The following PFDN1 variants were observed in gnomAD, a reference collection of about 807,000 sequenced individuals.
PFDN1 encodes prefoldin subunit 1, also known as prefoldin 1.
A neutral mutation model predicts 17.3 loss-of-function variants in PFDN1; 6 were observed. The observed-to-expected ratio is 0.35, with a 90% CI of 0.19 to 0.69. The LOEUF (loss-of-function observed/expected upper bound fraction) is 0.69. Ranked by LOEUF, PFDN1 falls within the 30% of genes least tolerant of loss-of-function variation. The pLI is 0.65. For missense variants in PFDN1, 113 were observed against 146.2 expected (o/e 0.77, Z 1.17); for synonymous variants, 58 against 50.1 (o/e 1.16, Z -0.67).
rs1765727317 is a variant in PFDN1 at position 140,300,501 on chromosome 5, T to G, written c.115A>C (p.Arg39=). 1 of 1,612,760 alleles carries G rather than the reference T, an allele frequency of 6.2e-7. No individual in the cohort carries two copies. Among genetic ancestry groups the G allele is most frequent in the African/African-American group, 1.3e-5 (1 of 74,934 alleles). The part of the protein sequence containing the change: ...LADIQIEQLN[R]TKKHAHLTDT... ...GTAAGATGTGCATGCTTTTTCGTTCTGTTTAGCTGTTCAATCTGTATGTCT... is the reference window on the plus strand; with the variant it reads ...GTAAGATGTGCATGCTTTTTCGTTCGGTTTAGCTGTTCAATCTGTATGTCT... Residue 39 remains arginine, a synonymous_variant, in exon 2 of 4, where the codon AGA becomes CGA. Transcript: ENST00000261813.
intron 3 of PFDN1, among the ~76,000 whole-genome samples, chr5:140,279,893 G>A (rs946461897): frequency 2.7e-5 from 4 of 150,576 alleles, no homozygotes; most frequent in African/African-American, 9.8e-5. Flanking sequence ...TACTTGGGAA[G>A]CTGAGACAGG....
chr5:140,300,708 A>C (rs1765731262), intron 1 of PFDN1, 126 bp from the exon 2 acceptor site: 1 of 617,138 alleles, frequency 1.6e-6, no homozygotes, highest in Non-Finnish European at 2.8e-6. Flanking sequence ...CCAAACATCA[A>C]TAAAAGTCAA....
At chr5:140,276,506 T>TGTG (rs1166391011) in intron 3 of PFDN1, among the ~76,000 whole-genome samples, 6 of 151,802 alleles carry the variant, frequency 4.0e-5, no homozygotes, top group Non-Finnish European at 7.4e-5. Context: ...ATTGGCCAAG[T>TGTG]GTGGTGGCTC....
At chr5:140,272,604 C>T (rs1040467236) in intron 3 of PFDN1, among the ~76,000 whole-genome samples, 1 of 151,938 alleles carries the variant, frequency 6.6e-6, no homozygotes, top group Non-Finnish European at 1.5e-5. Flanking sequence ...ATGATCTACC[C>T]GCCTCAGCCT....
chr5:140,282,956 G>A (rs371857650), intron 2 of PFDN1, among the ~76,000 whole-genome samples: 72 of 152,254 alleles, frequency 4.7e-4, no homozygotes, highest in African/African-American at 1.4e-3. Context: ...AAAGTCAAAC[G>A]AGAAAACACA....
intron 3 of PFDN1, among the ~76,000 whole-genome samples, chr5:140,267,913 T>A (rs1765156939): frequency 6.6e-6 from 1 of 152,234 alleles, no homozygotes; most frequent in Non-Finnish European, 1.5e-5. Flanking sequence ...CCTGGAAGTA[T>A]TGTTCCACCC....
At chr5:140,271,441 C>T (rs144880780) in intron 3 of PFDN1, among the ~76,000 whole-genome samples, 61 of 152,128 alleles carry the variant, frequency 4.0e-4, no homozygotes, top group Admixed American at 9.8e-4. Flanking sequence ...GTCAAAACAA[C>T]GTAGGAAAGA....
chr5:140,248,117 G>A (rs959337069), intron 3 of PFDN1, among the ~76,000 whole-genome samples: 1 of 148,484 alleles, frequency 6.7e-6, no homozygotes, highest in Non-Finnish European at 1.5e-5. Context: ...TGCCCAGGCT[G>A]GAGTGCAATG....
chr5:140,258,322 G>A (rs1353622376), intron 3 of PFDN1, among the ~76,000 whole-genome samples: 1 of 152,024 alleles, frequency 6.6e-6, no homozygotes, highest in African/African-American at 2.4e-5. Flanking sequence ...AGTCCCTGGA[G>A]TGGCTGGGTG....
At chr5:140,285,573 C>T (rs1765474691) in intron 2 of PFDN1, among the ~76,000 whole-genome samples, 1 of 151,910 alleles carries the variant, frequency 6.6e-6, no homozygotes, top group Admixed American at 6.6e-5. Flanking sequence ...GTGGACTGCT[C>T]AGTGAGTTAC....
rs1432351675 is a variant in PFDN1 at position 140,281,594 on chromosome 5, T to C, written c.201-61A>G. ...TGACTATTGAATTCATCGAAATCAA[T>C]AGCTACATACTACAAATATTAAACT... On this transcript the variant is annotated intron_variant, in intron 2 of 3. Transcript: ENST00000261813. The C allele has an allele frequency of 3.7e-6, 3 of 807,250 alleles. No individual in the cohort carries two copies. In the South Asian group the frequency reaches 4.2e-5, roughly 11 times the overall value. 50.0% of individuals were successfully genotyped at this position (807,250 alleles called of 1,614,324 possible).
chr5:140,283,617 AT>A (rs1417135463), intron 2 of PFDN1, among the ~76,000 whole-genome samples: 2 of 152,220 alleles, frequency 1.3e-5, no homozygotes, highest in Non-Finnish European at 2.9e-5. Flanking sequence ...GAGAGCCCAC[AT>A]TCATGCAAAA....
intron 2 of PFDN1, among the ~76,000 whole-genome samples, chr5:140,291,901 TGGAATTACTG>T (rs1554072966): frequency 6.6e-6 from 1 of 152,182 alleles, no homozygotes; most frequent in Non-Finnish European, 1.5e-5. Context: ...GAGAACTCAC[TGGAATTACTG>T]GAGAATCACT....
chr5:140,292,460 T>C lies in PFDN1; in HGVS notation c.200+7956A>G, dbSNP rs543325972. ...TTTTTACTCTGAGCCAGTGTAAAGG[T>C]TGGGCTTAGGGCAGTCATGCTCTTA... On this transcript the variant is annotated intron_variant, in intron 2 of 3. Transcript: ENST00000261813. 2.0e-4 allele frequency among the ~76,000 whole-genome samples: 31 copies of C among 152,176 alleles called. No homozygotes were observed. In the South Asian group the frequency reaches 5.8e-3, roughly 28 times the overall value.
intron 3 of PFDN1, among the ~76,000 whole-genome samples, chr5:140,276,147 C>A (rs1344270213): frequency 6.6e-6 from 1 of 152,076 alleles, no homozygotes; most frequent in African/African-American, 2.4e-5. Context: ...AAAACAGGAG[C>A]AACACCAAGG....
chr5:140,262,593 T>A, intron 3 of PFDN1: 1 of 455,030 alleles, frequency 2.2e-6, no homozygotes, highest in Non-Finnish European at 4.4e-6. Context: ...GTGCTTCATA[T>A]GGAATGAAAA....
chr5:140,278,557 C>CAAAAAAAAAAAAAAAA (rs113129230), intron 3 of PFDN1, among the ~76,000 whole-genome samples: 3 of 79,014 alleles, frequency 3.8e-5, no homozygotes, highest in African/African-American at 5.3e-5. Context: ...GACTCTGTCT[C>CAAAAAAAAAAAAAAAA]AAAAAAAAAA....
intron 2 of PFDN1, chr5:140,281,832 G>A: frequency 4.0e-6 from 1 of 250,534 alleles, no homozygotes; most frequent in Middle Eastern, 1.5e-3. Context: ...GAGCCCAGGT[G>A]TCTGAGTCTA....
intron 2 of PFDN1, among the ~76,000 whole-genome samples, chr5:140,296,099 C>A (rs565653059): frequency 2.6e-5 from 4 of 151,982 alleles, no homozygotes; most frequent in Non-Finnish European, 5.9e-5. Flanking sequence ...GATCAGAGGA[C>A]GTGATTTTGG....
Sources: gnomAD v4.1 joint callset for allele counts (sites outside exome capture counted in the v4.1 genomes callset) on GRCh38, gnomAD v4.1.1 for gene constraint, MANE v1.5 for transcripts, NCBI Gene and HGNC (gene_info 2026-07-23, HGNC 2026-07-21) for gene names.